The following PHYHD1 variants were observed in gnomAD, a reference collection of about 807,000 sequenced individuals.
PHYHD1 encodes phytanoyl-CoA dioxygenase domain-containing protein 1.
Under a neutral mutation model 43.6 loss-of-function variants are expected in PHYHD1, and 42 were observed. That is an observed-to-expected ratio of 0.96 (90% CI 0.75 to 1.25). PHYHD1 has a LOEUF of 1.25. Among genes scored for constraint, PHYHD1 ranks in the 50% most tolerant of loss-of-function variants. PHYHD1 has a pLI of 0.00. For missense variants in PHYHD1, 342 were observed against 370.8 expected, an observed-to-expected ratio of 0.92 and a Z score of 0.64; for synonymous variants, 139 against 143.6, an observed-to-expected ratio of 0.97 and a Z score of 0.23.
chr9:128,927,468 C>T (rs190038263), intron 4 of PHYHD1, among the ~76,000 whole-genome samples: 14 of 152,092 alleles, frequency 9.2e-5, no homozygotes, highest in African/African-American at 2.9e-4. Flanking sequence ...CTCCGCCTCC[C>T]GGGTTCAAGT....
At chr9:128,932,166 A>AT (rs1564540372) in intron 4 of PHYHD1, among the ~76,000 whole-genome samples, 79 of 122,664 alleles carry the variant, frequency 6.4e-4, no homozygotes, top group African/African-American at 2.3e-3. Context: ...TATTATTATT[A>AT]TTGTTATTAT....
rs1241425603 is a variant in PHYHD1 at position 128,938,761 on chromosome 9, A to T, written c.457+983A>T. 3.1e-5 allele frequency among the ~76,000 whole-genome samples: 4 copies of T among 130,954 alleles called. 1 individual carries two copies. The highest frequency in any genetic ancestry group is 5.3e-5 in the Non-Finnish European group (3 of 56,222). 85.9% of individuals were successfully genotyped at this position (130,954 alleles called of 152,430 possible). ...TTTTAACAAGTTTCCTGGAGGACGAATTCAGCATAGAAATTGCTGATCTAG... is the reference window on the plus strand; with the variant it reads ...TTTTAACAAGTTTCCTGGAGGACGATTTCAGCATAGAAATTGCTGATCTAG... On this transcript the variant is annotated intron_variant, in intron 9 of 12. Transcript: ENST00000372592.
At chr9:128,929,163 A>T (rs1282011101) in intron 4 of PHYHD1, among the ~76,000 whole-genome samples, 2 of 152,024 alleles carry the variant, frequency 1.3e-5, no homozygotes, top group Non-Finnish European at 2.9e-5. Context: ...ACCTGTCTCT[A>T]CAAAAAAATT....
intron 3 of PHYHD1, among the ~76,000 whole-genome samples, chr9:128,924,353 G>A (rs568652857): frequency 3.0e-4 from 45 of 152,338 alleles, no homozygotes; most frequent in Middle Eastern, 3.4e-3. Context: ...GGGAGGCGGA[G>A]CTTGCAGTGA....
intron 4 of PHYHD1, 54 bp from the exon 5 acceptor site, chr9:128,933,728 C>G (rs771101947): frequency 1.3e-6 from 2 of 1,573,626 alleles, no homozygotes; most frequent in Admixed American, 3.3e-5. Context: ...CTTTGCCAGG[C>G]CCAGCTCTGA....
chr9:128,933,503 G>A (rs977977863), intron 4 of PHYHD1, among the ~76,000 whole-genome samples: 3 of 152,064 alleles, frequency 2.0e-5, no homozygotes, highest in African/African-American at 7.2e-5. Context: ...AGGGGCCCAA[G>A]GCTGCTAGGG....
At chr9:128,933,626 GCTCA>G (rs1198501389) in intron 4 of PHYHD1, 152 bp from the exon 5 acceptor site, 50 of 787,002 alleles carry the variant, frequency 6.4e-5, no homozygotes, top group Admixed American at 2.7e-4. Context: ...TGAAGTTCTG[GCTCA>G]CTGTCTGTGC....
intron 4 of PHYHD1, among the ~76,000 whole-genome samples, chr9:128,931,944 C>G (rs531203017): frequency 6.6e-6 from 1 of 151,722 alleles, no homozygotes; most frequent in Admixed American, 6.6e-5. Context: ...AAGCAATTCT[C>G]CCATCTCAGC....
At position 128,933,991 on chromosome 9, in the gene PHYHD1, A is replaced by G; in HGVS notation, c.269-20A>G. On this transcript the variant is annotated intron_variant, in intron 5 of 12. Coordinates refer to ENST00000372592, the MANE Select transcript of PHYHD1 (RefSeq NM_001100876.2). ...GGCTGGACACCAGTTCTCTGCCTTT[A>G]TCTGTTCTTTGTGCCACAGGAAATT... is the stretch of plus-strand genomic sequence containing the variant. 4 of 1,613,748 alleles carry G rather than the reference A, an allele frequency of 2.5e-6. No individual in the cohort carries two copies. The highest frequency in any genetic ancestry group is 3.4e-6 in the Non-Finnish European group (4 of 1,179,800).
intron 3 of PHYHD1, among the ~76,000 whole-genome samples, chr9:128,923,401 G>A (rs1305138859): frequency 6.6e-6 from 1 of 152,206 alleles, no homozygotes; most frequent in Non-Finnish European, 1.5e-5. Flanking sequence ...AAAGGAGGCT[G>A]TACTGCTATC....
At chr9:128,929,490 T>A (rs1394309024) in intron 4 of PHYHD1, among the ~76,000 whole-genome samples, 1 of 151,182 alleles carries the variant, frequency 6.6e-6, no homozygotes, top group Non-Finnish European at 1.5e-5. Context: ...CTAGGGAACA[T>A]GGTGAAACCC....
At position 128,939,318 on chromosome 9, in the gene PHYHD1, G is replaced by A. The variant is rs1371922227; in HGVS notation, c.458-1051G>A. Among the ~76,000 whole-genome samples, 3 of 128,600 alleles carry A rather than the reference G, an allele frequency of 2.3e-5. 1 individual carries two copies. Among genetic ancestry groups the A allele is most frequent in the East Asian group, 2.1e-4 (1 of 4,750 alleles). 84.4% of individuals were successfully genotyped at this position (128,600 alleles called of 152,430 possible). On this transcript the variant is annotated intron_variant, in intron 9 of 12. Transcript: ENST00000372592. ...ATGCTGGCCAGGAGTGGTGGCTCAC[G>A]CTTGTAATCCCAGCACTTTGGGAGG...
chr9:128,928,139 C>T (rs1284316244), intron 4 of PHYHD1, among the ~76,000 whole-genome samples: 1 of 152,160 alleles, frequency 6.6e-6, no homozygotes, highest in Non-Finnish European at 1.5e-5. Context: ...ATACAACAGC[C>T]GGAAGCCATC....
At chr9:128,933,072 C>T (rs1415593589) in intron 4 of PHYHD1, among the ~76,000 whole-genome samples, 4 of 145,312 alleles carry the variant, frequency 2.8e-5, no homozygotes, top group African/African-American at 5.1e-5. Flanking sequence ...AGGATGGTCT[C>T]GATCTCCTGA....
Position 128,936,490 on chromosome 9 carries a change from CCTT to C in PHYHD1, c.361_363del (p.Phe121del). 6.2e-7 allele frequency: 1 copy of C among 1,613,846 alleles called. No individual in the cohort carries two copies. The highest frequency in any genetic ancestry group is 1.1e-5 in the South Asian group (1 of 90,952). On this transcript the variant is annotated inframe_deletion, in exon 7 of 13. Transcript: ENST00000372592. The stretch of plus-strand genomic sequence containing the variant: ...CCCGTCTTCAAGAGCATCACACACT[CCTT>C]CAAGGTGCAGGTGAGCAGAGGTGGG...
rs369483059 is a variant in PHYHD1 at position 128,940,622 on chromosome 9, C to T, written c.610C>T (p.Arg204Trp). ...AGGTGGTGTGTCAAGAAGGATGGTC[C>T]GGGCCCCTGTTGGCTCAGCGCCTGG... ...HTSGVSRRMV[R>W]APVGSAPGTS... The change falls in exon 11 of 13, where the codon CGG becomes TGG. Residue 204 changes from arginine to tryptophan, a missense_variant. Arg to Trp is a moderately radical substitution (Grantham distance 101). Coordinates refer to ENST00000372592, the MANE Select transcript of PHYHD1 (RefSeq NM_001100876.2). 18 of 1,614,128 alleles carry T rather than the reference C, an allele frequency of 1.1e-5. No homozygotes were observed. The highest frequency in any genetic ancestry group is 2.7e-5 in the African/African-American group (2 of 75,040).
At chr9:128,932,163 A>ATTTTTTTTTTTT (rs1564540363) in intron 4 of PHYHD1, among the ~76,000 whole-genome samples, 8 of 125,346 alleles carry the variant, frequency 6.4e-5, no homozygotes, top group African/African-American at 2.7e-4. Context: ...TATTATTATT[A>ATTTTTTTTTTTT]TTATTGTTAT....
chr9:128,921,890 G>A, intron 1 of PHYHD1, 40 bp from the exon 2 acceptor site: 1 of 173,582 alleles, frequency 5.8e-6, no homozygotes, highest in Non-Finnish European at 1.2e-5. Context: ...GGGGGGTGCC[G>A]CACATCCCCC....
At chr9:128,939,550 G>T (rs1213126417) in intron 9 of PHYHD1, among the ~76,000 whole-genome samples, 1 of 116,350 alleles carries the variant, frequency 8.6e-6, no homozygotes, top group African/African-American at 2.7e-5. Flanking sequence ...CTGCACTCCA[G>T]CCTGGGCGAC....
Sources: allele counts gnomAD v4.1 joint callset (sites outside exome capture counted in the v4.1 genomes callset), GRCh38; gene constraint gnomAD v4.1.1; transcripts MANE v1.5; gene names NCBI Gene and HGNC (gene_info 2026-07-23, HGNC 2026-07-21).